The following TNNI3K variants were observed in gnomAD, a reference collection of about 807,000 sequenced individuals.
The protein encoded by TNNI3K is TNNI3 interacting kinase, also known as serine/threonine-protein kinase TNNI3K.
Under a neutral mutation model 114.5 loss-of-function variants are expected in TNNI3K, and 140 were observed. That is an observed-to-expected ratio of 1.22 (90% confidence interval 1.07 to 1.41). The LOEUF (loss-of-function observed/expected upper bound fraction) is 1.41, where lower values mean the gene tolerates loss of function less well. Ranked by LOEUF, TNNI3K falls within the 40% of genes most tolerant of loss-of-function variation. The pLI is 0.00. For missense variants in TNNI3K, 1,125 were observed against 1,007.6 expected (o/e 1.12, Z -1.58); for synonymous variants, 347 against 347.5 (o/e 1.00, Z 0.02).
intron 20 of TNNI3K, 129 bp from the exon 21 acceptor site, chr1:74,463,312 A>C (rs1312419278): frequency 1.1e-5 from 10 of 898,658 alleles, no homozygotes; most frequent in Non-Finnish European, 1.6e-5. Context: ...AAAAGCCTAG[A>C]GGTCTCTTTG....
At chr1:74,431,546 C>A (rs1342570874) in intron 17 of TNNI3K, among the ~76,000 whole-genome samples, 2 of 152,052 alleles carry the variant, frequency 1.3e-5, no homozygotes, top group Non-Finnish European at 2.9e-5. Context: ...TAAACTAAGT[C>A]AGTAATTGGT....
In TNNI3K at chr1:74,520,310, G is replaced by A. The variant is rs140731973; in HGVS notation, c.2352-19924G>A. On this transcript the variant is annotated intron_variant, in intron 23 of 24. Transcript: ENST00000326637. ...TTTAAGATATGGCATTTAAATACAC[G>A]TACAGAATTGAAGTGACCTCGCTTC... Among the ~76,000 whole-genome samples the A allele has an allele frequency of 2.6e-4, 39 of 152,206 alleles. No individual in the cohort carries two copies. The East Asian group carries it at 5.4e-3, about 21-fold the overall frequency.
chr1:74,284,251 T>A (rs1049990373), intron 5 of TNNI3K, among the ~76,000 whole-genome samples: 1 of 152,152 alleles, frequency 6.6e-6, no homozygotes, highest in African/African-American at 2.4e-5. Flanking sequence ...TCTATAAACA[T>A]CGTGTGAGTT....
intron 20 of TNNI3K, among the ~76,000 whole-genome samples, chr1:74,442,492 T>TA (rs746461528): frequency 1.3e-5 from 2 of 152,080 alleles, no homozygotes; most frequent in Non-Finnish European, 2.9e-5. Flanking sequence ...TATATTCCTA[T>TA]AAAAAGCTTG....
intron 17 of TNNI3K, among the ~76,000 whole-genome samples, chr1:74,401,096 G>A (rs967607496): frequency 6.6e-6 from 1 of 152,204 alleles, no homozygotes; most frequent in Non-Finnish European, 1.5e-5. Context: ...TTTTTAGGTA[G>A]TTGTTCTGTA....
intron 21 of TNNI3K, among the ~76,000 whole-genome samples, chr1:74,482,635 T>C (rs962342216): frequency 6.6e-6 from 1 of 152,182 alleles, no homozygotes; most frequent in African/African-American, 2.4e-5. Flanking sequence ...AAATTTTCCA[T>C]TGGCAGAGCT....
chr1:74,309,224 C>T (rs1399956605), intron 5 of TNNI3K, among the ~76,000 whole-genome samples: 3 of 149,254 alleles, frequency 2.0e-5, no homozygotes, highest in Admixed American at 6.7e-5. Context: ...AAAAATTAGC[C>T]GGGCGAGGTG....
chr1:74,258,949 G>A lies in TNNI3K; in HGVS notation c.333+8180G>A, dbSNP rs1202097865. Among the ~76,000 whole-genome samples, 11 of 152,086 alleles carry A rather than the reference G, an allele frequency of 7.2e-5. No individual in the cohort carries two copies. The South Asian group carries it at 2.3e-3, about 32-fold the overall frequency. Reference sequence around the variant, plus strand: ...AGGAATTTTGATGTAAACAATCTAGGTCTACATATTGTGGATTACTGTTCA... The same window carrying A: ...AGGAATTTTGATGTAAACAATCTAGATCTACATATTGTGGATTACTGTTCA... On this transcript the variant is annotated intron_variant, in intron 4 of 24. Transcript: ENST00000326637.
chr1:74,333,514 A>G (rs534589898), intron 6 of TNNI3K, among the ~76,000 whole-genome samples: 12 of 152,358 alleles, frequency 7.9e-5, no homozygotes, highest in African/African-American at 2.9e-4. Flanking sequence ...TGGGTGGAGA[A>G]CTAAATTTGT....
intron 5 of TNNI3K, among the ~76,000 whole-genome samples, chr1:74,308,692 T>C (rs1442830989): frequency 6.6e-6 from 1 of 151,998 alleles, no homozygotes; most frequent in African/African-American, 2.4e-5. Flanking sequence ...CAAAACAATA[T>C]ACAAATAATC....
At chr1:74,279,050 T>C (rs1656847342) in intron 5 of TNNI3K, among the ~76,000 whole-genome samples, 1 of 152,194 alleles carries the variant, frequency 6.6e-6, no homozygotes, top group Admixed American at 6.5e-5. Context: ...TCATTATAAA[T>C]CAATGCTGGA....
At position 74,428,430 on chromosome 1, in the gene TNNI3K, T is replaced by C. The variant is rs561673368; in HGVS notation, c.1773-7650T>C. Among the ~76,000 whole-genome samples the C allele has an allele frequency of 1.1e-4, 16 of 152,222 alleles. No individual in the cohort carries two copies. The South Asian group carries it at 2.9e-3, about 28-fold the overall frequency. On this transcript the variant is annotated intron_variant, in intron 17 of 24. Coordinates refer to ENST00000326637, the MANE Select transcript of TNNI3K (RefSeq NM_015978.3). ...AAATAATAACATCACAATTTGTATT[T>C]GTAGTGAAGAACTGCCTTCAAAGGG...
intron 21 of TNNI3K, among the ~76,000 whole-genome samples, chr1:74,482,455 G>A (rs1668553255): frequency 6.6e-6 from 1 of 152,280 alleles, no homozygotes. Flanking sequence ...TAGTGTTAAA[G>A]CATTTTCAAT....
intron 4 of TNNI3K, among the ~76,000 whole-genome samples, chr1:74,260,050 A>G (rs527960960): frequency 6.6e-6 from 1 of 152,180 alleles, no homozygotes; most frequent in Non-Finnish European, 1.5e-5. Context: ...TTCTGCTTAA[A>G]TATTTTTTAA....
chr1:74,495,585 A>C (rs1004494657), intron 23 of TNNI3K, among the ~76,000 whole-genome samples: 1 of 152,168 alleles, frequency 6.6e-6, no homozygotes, highest in African/African-American at 2.4e-5. Flanking sequence ...TATTTTAAAC[A>C]CTTTAAATAG....
At chr1:74,465,148 G>T (rs531975750) in intron 21 of TNNI3K, among the ~76,000 whole-genome samples, 1 of 152,182 alleles carries the variant, frequency 6.6e-6, no homozygotes, top group Non-Finnish European at 1.5e-5. Context: ...TCACTCTCGG[G>T]GCCTCCTTGG....
At chr1:74,258,718 C>T (rs545936507) in intron 4 of TNNI3K, among the ~76,000 whole-genome samples, 23 of 152,204 alleles carry the variant, frequency 1.5e-4, no homozygotes, top group African/African-American at 5.5e-4. Flanking sequence ...ACTCAAGATC[C>T]CTTAATTTAT....
chr1:74,265,545 CAG>C (rs1242338260), intron 4 of TNNI3K, among the ~76,000 whole-genome samples: 1 of 151,888 alleles, frequency 6.6e-6, no homozygotes, highest in African/African-American at 2.4e-5. Flanking sequence ...AGGGAGGTCT[CAG>C]TGGCATATCT....
At chr1:74,302,173 G>C (rs1471131745) in intron 5 of TNNI3K, among the ~76,000 whole-genome samples, 1 of 152,174 alleles carries the variant, frequency 6.6e-6, no homozygotes, top group Non-Finnish European at 1.5e-5. Context: ...TTATATCTGT[G>C]ATGGTGATGT....
Sources: allele counts gnomAD v4.1 joint callset (sites outside exome capture counted in the v4.1 genomes callset), GRCh38; gene constraint gnomAD v4.1.1; transcripts MANE v1.5; gene names NCBI Gene and HGNC (gene_info 2026-07-23, HGNC 2026-07-21).